Variants in USP46 observed in about 807,000 individuals in gnomAD.
The protein encoded by USP46 is ubiquitin carboxyl-terminal hydrolase 46.
A neutral mutation model predicts 44.4 loss-of-function variants in USP46; 12 were observed. That is an observed-to-expected ratio of 0.27 (90% CI 0.17 to 0.44). The LOEUF (loss-of-function observed/expected upper bound fraction) is 0.44, where lower values mean the gene tolerates loss of function less well. Among genes scored for constraint, USP46 ranks in the 20% least tolerant of loss-of-function variants. USP46 has a pLI of 1.00. For missense variants in USP46, 248 were observed against 444.8 expected (o/e 0.56, Z 3.98); for synonymous variants, 155 against 161.5 (o/e 0.96, Z 0.31).
chr4:52,656,231 G>C, intron 1 of USP46: 2 of 1,503,168 alleles, frequency 1.3e-6, no homozygotes, highest in African/African-American at 1.4e-5. Flanking sequence ...AGTTAGGAGC[G>C]GGAAGGGTCA....
chr4:52,632,989 G>A lies in USP46; in HGVS notation c.37-1845C>T, dbSNP rs200090541. ...GAAAGAAAGAAAGAAAGAAAGAAAAGAAAAGAAAGAAAGAAAGAAAGAAAG... is the reference window on the plus strand; with the variant it reads ...GAAAGAAAGAAAGAAAGAAAGAAAAAAAAAGAAAGAAAGAAAGAAAGAAAG... On this transcript the variant is annotated intron_variant, in intron 1 of 8. Transcript: ENST00000441222. Among the ~76,000 whole-genome samples the A allele has an allele frequency of 8.1e-3, 259 of 31,992 alleles. 6 individuals are homozygous for A. The highest frequency in any genetic ancestry group is 0.015 in the Non-Finnish European group (218 of 14,412). 21.0% of individuals were successfully genotyped at this position (31,992 alleles called of 152,430 possible).
chr4:52,626,686 CA>C (rs1717604495), intron 3 of USP46, among the ~76,000 whole-genome samples: 2 of 152,132 alleles, frequency 1.3e-5, no homozygotes. Flanking sequence ...TCATCTCTAC[CA>C]GGCAGCTTCA....
intron 4 of USP46, among the ~76,000 whole-genome samples, chr4:52,614,588 T>G (rs913115411): frequency 5.3e-5 from 8 of 152,070 alleles, no homozygotes; most frequent in African/African-American, 1.7e-4. Flanking sequence ...GAAGGCAAAA[T>G]GAAGAGAATT....
chr4:52,658,698 G>A (rs1023347999), intron 1 of USP46, among the ~76,000 whole-genome samples: 4 of 152,236 alleles, frequency 2.6e-5, no homozygotes, highest in African/African-American at 7.2e-5. Flanking sequence ...AACTCAAAAT[G>A]AGATGAGGGC....
In USP46 at chr4:52,595,415, T is replaced by G. The variant is rs1716186761; in HGVS notation, c.*2225A>C. 6.6e-6 allele frequency: 1 copy of G among 152,656 alleles called. No homozygotes were observed. The highest frequency in any genetic ancestry group is 1.5e-5 in the Non-Finnish European group (1 of 68,036). 9.5% of individuals were successfully genotyped at this position (152,656 alleles called of 1,614,324 possible). ...GTTGCTGGAGAAGTGTGTTTTGGTC[T>G]TTTTCCAATCTTCTTTTCCTGCACC... On this transcript the variant is annotated 3_prime_UTR_variant, in exon 9 of 9. Coordinates refer to ENST00000441222, the MANE Select transcript of USP46 (RefSeq NM_022832.4).
At chr4:52,613,459 C>T (rs1224371098) in intron 4 of USP46, among the ~76,000 whole-genome samples, 1 of 152,124 alleles carries the variant, frequency 6.6e-6, no homozygotes, top group Non-Finnish European at 1.5e-5. Flanking sequence ...TGTGGTGACT[C>T]ACACCTGTAA....
Position 52,591,741 on chromosome 4 carries a change from A to G in USP46, c.*5899T>C, listed in dbSNP as rs1182358945. ...TTTAAAACATAAAGGAACCTTAAAA[A>G]GCAAACAAAGGCTGATGCACCAATA... is the stretch of plus-strand genomic sequence containing the variant. On this transcript the variant is annotated 3_prime_UTR_variant, in exon 9 of 9. Coordinates refer to ENST00000441222, the MANE Select transcript of USP46 (RefSeq NM_022832.4). 1 of 152,214 alleles carries G rather than the reference A, an allele frequency of 6.6e-6. No homozygotes were observed. Among genetic ancestry groups the G allele is most frequent in the Non-Finnish European group, 1.5e-5 (1 of 68,036 alleles). The allele number at this position is 152,214 out of a possible 1,614,324, so 9.4% of individuals were successfully genotyped here.
intron 1 of USP46, among the ~76,000 whole-genome samples, chr4:52,632,990 A>AAAGAAAGAAAAGG: frequency 1.5e-5 from 1 of 66,294 alleles, no homozygotes. Flanking sequence ...GAAAGAAAAG[A>AAAGAAAGAAAAGG]AAAGAAAGAA....
chr4:52,603,883 C>T (rs1469210112), intron 6 of USP46, among the ~76,000 whole-genome samples: 1 of 152,060 alleles, frequency 6.6e-6, no homozygotes, highest in Non-Finnish European at 1.5e-5. Flanking sequence ...CGGGGTTTCA[C>T]CATGTTGGCC....
At chr4:52,634,637 C>G (rs1417553666) in intron 1 of USP46, among the ~76,000 whole-genome samples, 2 of 152,026 alleles carry the variant, frequency 1.3e-5, no homozygotes, top group Non-Finnish European at 2.9e-5. Flanking sequence ...GTTGGCCAGG[C>G]TGGTCTCAAA....
intron 8 of USP46, chr4:52,598,422 A>G: frequency 3.6e-6 from 2 of 562,722 alleles, no homozygotes; most frequent in South Asian, 4.4e-5. Context: ...CGTGGAGAAC[A>G]CAGCGTCAGT....
Position 52,610,630 on chromosome 4 carries a change from A to G in USP46, c.562-13T>C. ...CTTTGCTACTAACCTGAAACAAAAA[A>G]CAGAAACAATATATTAGGCATGAAA... On this transcript the variant is annotated splice_polypyrimidine_tract_variant and intron_variant, in intron 4 of 8. Transcript: ENST00000441222. The G allele has an allele frequency of 6.2e-7, 1 of 1,612,992 alleles. No homozygotes were observed. Among genetic ancestry groups the G allele is most frequent in the Middle Eastern group, 1.7e-4 (1 of 6,060 alleles).
chr4:52,621,269 A>G (rs1387270752), intron 4 of USP46, among the ~76,000 whole-genome samples: 1 of 152,186 alleles, frequency 6.6e-6, no homozygotes, highest in African/African-American at 2.4e-5. Context: ...AAAATCCTAA[A>G]AATCGTAGAT....
At position 52,628,078 on chromosome 4, in the gene USP46, G is replaced by C. The variant is rs1269533486; in HGVS notation, c.203C>G (p.Ala68Gly). 6.2e-7 allele frequency: 1 copy of C among 1,613,836 alleles called. No individual in the cohort carries two copies. The highest frequency in any genetic ancestry group is 8.5e-7 in the Non-Finnish European group (1 of 1,179,888). Reference protein sequence around the residue: ...PFRENVLAYKAQQKKKENLLT... With the variant: ...PFRENVLAYKGQQKKKENLLT... ...CAAGTTTTCCTTCTTCTTTTGCTGG[G>C]CCTTGTATGCCAACACATTCTCCCG... Residue 68 changes from alanine (A) to glycine (G), a missense_variant, in exon 3 of 9, where the codon GCC becomes GGC. Around this residue, in one of 5 missense-constraint regions of USP46, gnomAD observed 54 missense variants for 135.0 expected, o/e 0.40. Transcript: ENST00000441222.
chr4:52,632,734 G>A (rs1285944440), intron 1 of USP46, among the ~76,000 whole-genome samples: 1 of 151,260 alleles, frequency 6.6e-6, no homozygotes, highest in Non-Finnish European at 1.5e-5. Context: ...AAGGAGCCTG[G>A]GGAGGTGGAG....
rs1577677009 is a variant in USP46 at position 52,625,129 on chromosome 4, C to T, written c.561+889G>A. Among the ~76,000 whole-genome samples the T allele has an allele frequency of 2.0e-5, 3 of 152,178 alleles. No homozygotes were observed. The South Asian group carries it at 6.2e-4, about 32-fold the overall frequency. On this transcript the variant is annotated intron_variant, in intron 4 of 8. Coordinates refer to ENST00000441222, the MANE Select transcript of USP46 (RefSeq NM_022832.4). ...TTAATGAACCCATAGACTTTCTATG[C>T]TGTCAGTAGTAGTTATAATAAAAAA...
chr4:52,647,590 T>C (rs1404602796), intron 1 of USP46, among the ~76,000 whole-genome samples: 1 of 152,240 alleles, frequency 6.6e-6, no homozygotes, highest in Non-Finnish European at 1.5e-5. Flanking sequence ...TGTGCTCTCA[T>C]TCTCAGGAAA....
chr4:52,606,452 A>C (rs1716692378), intron 5 of USP46, among the ~76,000 whole-genome samples: 1 of 152,226 alleles, frequency 6.6e-6, no homozygotes, highest in African/African-American at 2.4e-5. Context: ...GGAGGAGCAA[A>C]GTCATGTCTT....
At chr4:52,634,077 G>C (rs975867586) in intron 1 of USP46, among the ~76,000 whole-genome samples, 2 of 151,962 alleles carry the variant, frequency 1.3e-5, no homozygotes, top group African/African-American at 4.8e-5. Flanking sequence ...TCTAGACCAT[G>C]ACACCCTTAC....
Sources: gnomAD v4.1 joint callset for allele counts (sites outside exome capture counted in the v4.1 genomes callset) on GRCh38, gnomAD v4.1.1 for gene constraint, gnomAD v4.1.1 regional missense constraint, MANE v1.5 for transcripts, NCBI Gene and HGNC (gene_info 2026-07-23, HGNC 2026-07-21) for gene names.